The following GRIP1 variants were observed in gnomAD, a reference collection of about 807,000 sequenced individuals.
GRIP1 encodes glutamate receptor-interacting protein 1.
In GRIP1, 45 loss-of-function variants were observed where a neutral mutation model predicts 129.9. The observed-to-expected ratio is 0.35, with a 90% confidence interval of 0.27 to 0.44. The LOEUF is 0.44. GRIP1 is among the 20% of genes least tolerant of loss of function. GRIP1 has a pLI of 1.00. For synonymous variants in GRIP1, 530 were observed against 520.8 expected (o/e 1.02, Z -0.24); for missense variants, 1,196 against 1,396.8 (o/e 0.86, Z 2.29).
chr12:67,060,827 A>G (rs976032013), intron 1 of GRIP1, among the ~76,000 whole-genome samples: 3 of 131,772 alleles, frequency 2.3e-5, no homozygotes, highest in Non-Finnish European at 3.3e-5. Flanking sequence ...TCCGTCTCAA[A>G]AAAAAAAAAA....
intron 1 of GRIP1, among the ~76,000 whole-genome samples, chr12:66,970,355 T>C (rs969684192): frequency 6.6e-6 from 1 of 152,184 alleles, no homozygotes; most frequent in African/African-American, 2.4e-5. Context: ...GTGCTAGAAT[T>C]ATAGGCATGA....
intron 1 of GRIP1, among the ~76,000 whole-genome samples, chr12:66,733,058 T>G (rs976167764): frequency 6.6e-6 from 1 of 152,156 alleles, no homozygotes; most frequent in African/African-American, 2.4e-5. Context: ...CTTGCTGTGT[T>G]GCCCAGGTTG....
intron 1 of GRIP1, among the ~76,000 whole-genome samples, chr12:66,816,096 T>C (rs1268589682): frequency 6.6e-6 from 1 of 152,164 alleles, no homozygotes; most frequent in East Asian, 1.9e-4. Flanking sequence ...ACAGGATCAG[T>C]AAGTTGCACC....
At chr12:66,976,309 T>C (rs2042150363) in intron 1 of GRIP1, among the ~76,000 whole-genome samples, 1 of 152,222 alleles carries the variant, frequency 6.6e-6, no homozygotes, top group African/African-American at 2.4e-5. Flanking sequence ...CATATTTTCA[T>C]GTATGTATTG....
chr12:66,768,011 C>G (rs2037700464), intron 1 of GRIP1, among the ~76,000 whole-genome samples: 1 of 152,194 alleles, frequency 6.6e-6, no homozygotes, highest in Non-Finnish European at 1.5e-5. Context: ...AAGGGAGAAT[C>G]AATTCACTCC....
intron 1 of GRIP1, among the ~76,000 whole-genome samples, chr12:66,714,449 A>C (rs557794024): frequency 6.6e-6 from 1 of 152,154 alleles, no homozygotes; most frequent in South Asian, 2.1e-4. Context: ...TAAGTCTTTC[A>C]CTTTCTATTC....
chr12:66,667,153 C>T (rs770538409), intron 1 of GRIP1, among the ~76,000 whole-genome samples: 48 of 152,120 alleles, frequency 3.2e-4, no homozygotes, highest in Non-Finnish European at 6.0e-4. Context: ...TCTCCAAATG[C>T]TTTTTAGGTT....
At chr12:66,514,715 C>T (rs920711444) in intron 7 of GRIP1, among the ~76,000 whole-genome samples, 1 of 152,070 alleles carries the variant, frequency 6.6e-6, no homozygotes, top group African/African-American at 2.4e-5. Context: ...AGTCTCCAGA[C>T]ATTTCAGGCC....
intron 2 of GRIP1, among the ~76,000 whole-genome samples, chr12:66,554,267 C>T (rs1293405100): frequency 6.6e-6 from 1 of 152,270 alleles, no homozygotes; most frequent in East Asian, 1.9e-4. Flanking sequence ...GGTGTAGCTT[C>T]TGAACAAGAT....
intron 1 of GRIP1, among the ~76,000 whole-genome samples, chr12:66,608,410 G>A (rs1172270442): frequency 6.6e-6 from 1 of 152,156 alleles, no homozygotes; most frequent in African/African-American, 2.4e-5. Context: ...TTGACTCACT[G>A]CAACCTCCAC....
chr12:66,788,525 G>A (rs887838790), intron 1 of GRIP1, among the ~76,000 whole-genome samples: 1 of 151,684 alleles, frequency 6.6e-6, no homozygotes, highest in African/African-American at 2.4e-5. Flanking sequence ...AGGCTACAGT[G>A]ATGAGATGTC....
chr12:66,953,765 G>C (rs780839579), intron 1 of GRIP1, among the ~76,000 whole-genome samples: 1 of 152,098 alleles, frequency 6.6e-6, no homozygotes, highest in African/African-American at 2.4e-5. Context: ...AAGAAAAGTA[G>C]ACAAAACTGA....
intron 1 of GRIP1, among the ~76,000 whole-genome samples, chr12:67,043,582 C>T (rs565273461): frequency 2.0e-5 from 3 of 152,248 alleles, no homozygotes; most frequent in South Asian, 2.1e-4. Context: ...TGGCGTTTGG[C>T]TTCCATCACC....
intron 16 of GRIP1, among the ~76,000 whole-genome samples, chr12:66,396,365 GA>G (rs1474990505): frequency 6.6e-6 from 1 of 152,116 alleles, no homozygotes; most frequent in Admixed American, 6.5e-5. Flanking sequence ...CAGTCAAGAT[GA>G]AAACAAACAC....
At chr12:66,872,705 G>A (rs1488455676) in intron 1 of GRIP1, among the ~76,000 whole-genome samples, 3 of 152,016 alleles carry the variant, frequency 2.0e-5, no homozygotes, top group African/African-American at 7.2e-5. Flanking sequence ...AATAAATACT[G>A]CTTCTACGGA....
chr12:66,455,710 A>G, intron 10 of GRIP1, 146 bp from the exon 11 acceptor site: 1 of 730,628 alleles, frequency 1.4e-6, no homozygotes, highest in Non-Finnish European at 2.4e-6. Flanking sequence ...GCCAGCTCTC[A>G]GGAGCATGAG....
At chr12:66,741,380 A>C (rs556408456) in intron 1 of GRIP1, among the ~76,000 whole-genome samples, 23 of 152,214 alleles carry the variant, frequency 1.5e-4, no homozygotes, top group African/African-American at 5.5e-4. Context: ...AAACAGATAA[A>C]ACAACTACCT....
chr12:66,412,532 T>C (rs751464725), intron 15 of GRIP1, among the ~76,000 whole-genome samples: 6 of 152,148 alleles, frequency 3.9e-5, no homozygotes, highest in Non-Finnish European at 7.4e-5. Flanking sequence ...AAAAACACAC[T>C]GAAATGCACA....
chr12:66,798,713 A>C (rs1356320584), intron 1 of GRIP1, among the ~76,000 whole-genome samples: 3 of 152,188 alleles, frequency 2.0e-5, no homozygotes, highest in African/African-American at 7.2e-5. Context: ...CTATATTTGC[A>C]AACCACAGAG....
Sources: gnomAD v4.1 joint callset for allele counts (sites outside exome capture counted in the v4.1 genomes callset) on GRCh38, gnomAD v4.1.1 for gene constraint, MANE v1.5 for transcripts, NCBI Gene and HGNC (gene_info 2026-07-23, HGNC 2026-07-21) for gene names.